Variants in TPTE2 observed in about 807,000 individuals in gnomAD.
TPTE2 encodes transmembrane phosphoinositide 3-phosphatase and tensin homolog 2.
TPTE2 carries 53 observed loss-of-function variants against 78.6 expected under a neutral mutation model. That is an observed-to-expected ratio of 0.67 (90% CI 0.54 to 0.85). The LOEUF is 0.85. Ranked by LOEUF, TPTE2 falls within the 40% of genes least tolerant of loss-of-function variation. The pLI is 0.00. For missense variants in TPTE2, 461 were observed against 623.0 expected, an observed-to-expected ratio of 0.74 and a Z score of 2.77; for synonymous variants, 175 against 206.2, an observed-to-expected ratio of 0.85 and a Z score of 1.30.
chr13:19,458,490 G>A (rs1878683496), intron 10 of TPTE2: 1 of 385,786 alleles, frequency 2.6e-6, no homozygotes, highest in African/African-American at 2.1e-5. Context: ...TTTGTTCCAG[G>A]AATGTACTTC....
At chr13:19,515,185 C>A (rs1566073540) in intron 1 of TPTE2, among the ~76,000 whole-genome samples, 3 of 152,176 alleles carry the variant, frequency 2.0e-5, no homozygotes, top group Admixed American at 6.5e-5. Flanking sequence ...CTCTTTGCCA[C>A]AATTTTCTAA....
intron 1 of TPTE2, among the ~76,000 whole-genome samples, chr13:19,520,974 C>A (rs906705170): frequency 6.6e-6 from 1 of 151,950 alleles, no homozygotes; most frequent in Non-Finnish European, 1.5e-5. Flanking sequence ...TGATTTAAAT[C>A]TTTTAAAATT....
intron 1 of TPTE2, among the ~76,000 whole-genome samples, chr13:19,531,188 T>C (rs1458072331): frequency 6.6e-6 from 1 of 152,198 alleles, no homozygotes; most frequent in African/African-American, 2.4e-5. Context: ...TGTACTTCTT[T>C]CAAGGCTGAA....
At chr13:19,437,859 G>A (rs555238450) in intron 14 of TPTE2, among the ~76,000 whole-genome samples, 2 of 151,736 alleles carry the variant, frequency 1.3e-5, no homozygotes, top group East Asian at 3.9e-4. Flanking sequence ...CTTAAATTTT[G>A]CACCTCATTG....
At position 19,452,337 on chromosome 13, in the gene TPTE2, T is replaced by C. The variant is rs113856607; in HGVS notation, c.742-1112A>G. On this transcript the variant is annotated intron_variant, in intron 10 of 19. Coordinates refer to ENST00000400230, the Ensembl canonical transcript of TPTE2. Reference sequence around the variant, plus strand: ...AGGTGTTGAATCAATGGAAGATCAATAGGCTTAGGTTTGACTTCATAAAAA... The same window carrying C: ...AGGTGTTGAATCAATGGAAGATCAACAGGCTTAGGTTTGACTTCATAAAAA... 6.6e-3 allele frequency among the ~76,000 whole-genome samples: 1,008 copies of C among 152,250 alleles called. 9 individuals carry two copies. The highest frequency in any genetic ancestry group is 0.023 in the African/African-American group (948 of 41,558).
intron 1 of TPTE2, among the ~76,000 whole-genome samples, chr13:19,513,137 G>A (rs560971977): frequency 6.6e-6 from 1 of 152,252 alleles, no homozygotes; most frequent in African/African-American, 2.4e-5. Context: ...AACACACACA[G>A]CATCGGTTAT....
At chr13:19,441,507 T>C (rs2137506954) in intron 13 of TPTE2, among the ~76,000 whole-genome samples, 1 of 152,318 alleles carries the variant, frequency 6.6e-6, no homozygotes, top group African/African-American at 2.4e-5. Context: ...TCATCCTTTA[T>C]CAGAAATCTA....
chr13:19,481,558 T>C (rs1880359500), intron 4 of TPTE2, among the ~76,000 whole-genome samples: 1 of 152,224 alleles, frequency 6.6e-6, no homozygotes. Flanking sequence ...AATGAGACTT[T>C]GTAATTTAAA....
intron 1 of TPTE2, among the ~76,000 whole-genome samples, chr13:19,524,007 C>A (rs1211224734): frequency 6.6e-6 from 1 of 152,102 alleles, no homozygotes; most frequent in Admixed American, 6.6e-5. Flanking sequence ...AAAATACTTT[C>A]TTTTTTAAAA....
chr13:19,423,480 A>G (rs993451204), intron 19 of TPTE2, among the ~76,000 whole-genome samples: 2 of 152,236 alleles, frequency 1.3e-5, no homozygotes, highest in African/African-American at 4.8e-5. Flanking sequence ...CATGAATGAA[A>G]ACCCAGGAAT....
chr13:19,469,190 G>A (rs945896072), intron 6 of TPTE2, among the ~76,000 whole-genome samples: 14 of 152,150 alleles, frequency 9.2e-5, no homozygotes, highest in Non-Finnish European at 1.8e-4. Flanking sequence ...ATGTTGATTT[G>A]ATTTTTGTAT....
chr13:19,443,397 C>CTT (rs71092357), intron 13 of TPTE2, among the ~76,000 whole-genome samples: 2,773 of 129,822 alleles, frequency 0.021, 53 homozygotes, highest in African/African-American at 0.061. Context: ...TTCTTTCTTT[C>CTT]TTTTTTTTTT....
intron 1 of TPTE2, among the ~76,000 whole-genome samples, chr13:19,501,933 A>T (rs984718837): frequency 7.3e-5 from 11 of 151,228 alleles, no homozygotes; most frequent in Non-Finnish European, 1.6e-4. Context: ...TCTACAATGA[A>T]CTCAAACAAA....
intron 1 of TPTE2, among the ~76,000 whole-genome samples, chr13:19,519,970 ATTTCT>A (rs1333799991): frequency 2.7e-5 from 4 of 150,222 alleles, no homozygotes; most frequent in East Asian, 3.9e-4. Flanking sequence ...GTAGTCTTAC[ATTTCT>A]TTTGTTTTGG....
chr13:19,556,342 A>G, the TPTE2 span, among the ~76,000 whole-genome samples: 1 of 152,206 alleles, frequency 6.6e-6, no homozygotes, highest in African/African-American at 2.4e-5. Context: ...CAAAAAAAGA[A>G]TTTAAGATTT....
At chr13:19,461,949 T>TA (rs397703029) in intron 10 of TPTE2, among the ~76,000 whole-genome samples, 31 of 151,018 alleles carry the variant, frequency 2.1e-4, no homozygotes, top group Middle Eastern at 3.4e-3. Flanking sequence ...TTTTTTTTTT[T>TA]AAATCTTGGC....
At chr13:19,525,200 G>A (rs1250613350) in intron 1 of TPTE2, among the ~76,000 whole-genome samples, 7 of 152,144 alleles carry the variant, frequency 4.6e-5, no homozygotes, top group Admixed American at 4.6e-4. Context: ...GAAAAAATTA[G>A]TACAACTTGT....
chr13:19,524,736 G>GA (rs1870393688), intron 1 of TPTE2, among the ~76,000 whole-genome samples: 1 of 152,118 alleles, frequency 6.6e-6, no homozygotes, highest in Non-Finnish European at 1.5e-5. Flanking sequence ...TAGGTTTTCT[G>GA]AAAAAGATGA....
chr13:19,430,499 A>G, exon 17 of TPTE2: 1 of 1,610,982 alleles, frequency 6.2e-7, no homozygotes, highest in Non-Finnish European at 8.5e-7. Flanking sequence ...ACTGGAAAAG[A>G]CAACCTTTTT....
Sources: allele counts gnomAD v4.1 joint callset (sites outside exome capture counted in the v4.1 genomes callset), GRCh38; gene constraint gnomAD v4.1.1; transcripts MANE v1.5; gene names NCBI Gene and HGNC (gene_info 2026-07-23, HGNC 2026-07-21).